The following SLC9B1 variants were observed in gnomAD, a reference collection of about 807,000 sequenced individuals.
SLC9B1 encodes solute carrier family 9 member B1, also known as sodium/hydrogen exchanger 9B1.
In SLC9B1, 32 loss-of-function variants were observed where a neutral mutation model predicts 51.7. The observed-to-expected ratio is 0.62, with a 90% CI of 0.47 to 0.83. The LOEUF (loss-of-function observed/expected upper bound fraction) is 0.83. SLC9B1 is among the 40% of genes least tolerant of loss of function. SLC9B1 has a pLI of 0.00. For missense variants in SLC9B1, 406 were observed against 613.2 expected, an observed-to-expected ratio of 0.66 and a Z score of 3.57; for synonymous variants, 145 against 212.7, an observed-to-expected ratio of 0.68 and a Z score of 2.77.
At chr4:102,970,505 T>C (rs1379570478) in intron 3 of SLC9B1, among the ~76,000 whole-genome samples, 1 of 151,440 alleles carries the variant, frequency 6.6e-6, no homozygotes, top group Non-Finnish European at 1.5e-5. Context: ...ACATGGAAAG[T>C]AATAACCAGT....
chr4:102,913,497 G>A (rs1305468655), intron 7 of SLC9B1, among the ~76,000 whole-genome samples: 1 of 152,138 alleles, frequency 6.6e-6, no homozygotes, highest in Non-Finnish European at 1.5e-5. Flanking sequence ...GAAGCCAGCT[G>A]ATAAAAACTG....
At chr4:102,974,864 G>A (rs1386925916) in intron 3 of SLC9B1, among the ~76,000 whole-genome samples, 1 of 151,710 alleles carries the variant, frequency 6.6e-6, no homozygotes, top group Non-Finnish European at 1.5e-5. Flanking sequence ...AAAATTGGAG[G>A]CCAAACTAAG....
intron 1 of SLC9B1, among the ~76,000 whole-genome samples, chr4:102,996,952 A>AT (rs35142141): frequency 0.54 from 79,805 of 147,834 alleles, 21,651 homozygotes; most frequent in African/African-American, 0.67. Flanking sequence ...ATGTCCAGCA[A>AT]TTTTTTTTTT....
intron 11 of SLC9B1, among the ~76,000 whole-genome samples, chr4:102,901,676 G>A (rs6824070): frequency 0.58 from 87,547 of 151,872 alleles, 26,515 homozygotes; most frequent in African/African-American, 0.78. Context: ...TGCCTTTACC[G>A]TGTGCAAGTG....
intron 7 of SLC9B1, among the ~76,000 whole-genome samples, chr4:102,919,407 GA>G (rs1735747931): frequency 6.6e-6 from 1 of 152,152 alleles, no homozygotes; most frequent in South Asian, 2.1e-4. Flanking sequence ...CTGCTGCTTA[GA>G]AATTTCTTCT....
At chr4:102,957,455 CA>C (rs1217253663) in intron 3 of SLC9B1, among the ~76,000 whole-genome samples, 1 of 151,656 alleles carries the variant, frequency 6.6e-6, no homozygotes, top group Non-Finnish European at 1.5e-5. Context: ...TACAGGGGAA[CA>C]ATAATATGAT....
intron 8 of SLC9B1, among the ~76,000 whole-genome samples, chr4:102,910,945 A>G (rs1735309782): frequency 6.6e-6 from 1 of 152,256 alleles, no homozygotes; most frequent in South Asian, 2.1e-4. Flanking sequence ...AATATGTTAC[A>G]GCTAAATTTG....
At chr4:103,001,241 C>T (rs1740509565) in intron 1 of SLC9B1, among the ~76,000 whole-genome samples, 1 of 152,232 alleles carries the variant, frequency 6.6e-6, no homozygotes, top group African/African-American at 2.4e-5. Flanking sequence ...ACCACTTTCT[C>T]CTCCTAGGCT....
chr4:102,994,898 A>G (rs1740136425), intron 1 of SLC9B1, among the ~76,000 whole-genome samples: 1 of 152,106 alleles, frequency 6.6e-6, no homozygotes, highest in Non-Finnish European at 1.5e-5. Flanking sequence ...TCATTGTTCC[A>G]CCCCTGACAC....
At chr4:102,885,765 C>G (rs892570153) in intron 11 of SLC9B1, among the ~76,000 whole-genome samples, 1 of 152,138 alleles carries the variant, frequency 6.6e-6, no homozygotes, top group African/African-American at 2.4e-5. Flanking sequence ...GTCAAATATA[C>G]TTGTCACAGT....
chr4:102,899,633 C>G (rs1304340375), downstream of SLC9B1, among the ~76,000 whole-genome samples: 2 of 151,900 alleles, frequency 1.3e-5, no homozygotes, highest in Admixed American at 6.6e-5. Flanking sequence ...AGGTTGGTCT[C>G]GAACTCCTGA....
intron 6 of SLC9B1, among the ~76,000 whole-genome samples, 190 bp downstream of exon 6, chr4:102,945,003 G>T (rs1737198235): frequency 6.6e-6 from 1 of 152,130 alleles, no homozygotes; most frequent in Non-Finnish European, 1.5e-5. Context: ...TAGGGGCTAT[G>T]AATGTTTGTT....
chr4:102,919,315 T>A (rs757512537), intron 7 of SLC9B1, among the ~76,000 whole-genome samples: 1 of 152,210 alleles, frequency 6.6e-6, no homozygotes, highest in Non-Finnish European at 1.5e-5. Context: ...CTTTTAAACA[T>A]AAGTTCCAAT....
chr4:102,983,771 T>C (rs1739477170), intron 3 of SLC9B1, among the ~76,000 whole-genome samples: 1 of 152,172 alleles, frequency 6.6e-6, no homozygotes, highest in African/African-American at 2.4e-5. Flanking sequence ...TCTTCTCTCA[T>C]ATTTTTCTTA....
rs563404503 is a variant in SLC9B1, at chr4:102,955,638, T to G, written c.212-6211A>C. Among the ~76,000 whole-genome samples, 20 of 151,980 alleles carry G rather than the reference T, an allele frequency of 1.3e-4. No homozygotes were observed. The South Asian group carries it at 2.1e-3, about 16-fold the overall frequency. ...AGCTTTGCTAGTCTGAGGTTGCAGT[T>G]TCAATTGGGGAAGTGGAAGACAAGA... is the stretch of plus-strand genomic sequence containing the variant. On this transcript the variant is annotated intron_variant, in intron 3 of 11. Transcript: ENST00000296422.
At chr4:102,935,086 A>C (rs1459398767) in intron 6 of SLC9B1, among the ~76,000 whole-genome samples, 5 of 152,156 alleles carry the variant, frequency 3.3e-5, no homozygotes, top group African/African-American at 1.2e-4. Context: ...AAAATTAAAT[A>C]TCTAGTGATA....
At chr4:102,934,377 T>C (rs924106215) in intron 6 of SLC9B1, among the ~76,000 whole-genome samples, 13 of 152,156 alleles carry the variant, frequency 8.5e-5, no homozygotes, top group African/African-American at 2.4e-4. Flanking sequence ...ATTGGTATTT[T>C]AAATCAGTGG....
intron 1 of SLC9B1, among the ~76,000 whole-genome samples, chr4:103,010,012 T>C (rs139089426): frequency 2.4e-4 from 36 of 152,334 alleles, no homozygotes; most frequent in African/African-American, 7.5e-4. Context: ...AAATTGACTG[T>C]CATTGTTAAA....
At chr4:102,999,225 T>C (rs547160055) in intron 1 of SLC9B1, among the ~76,000 whole-genome samples, 7 of 152,340 alleles carry the variant, frequency 4.6e-5, no homozygotes, top group Non-Finnish European at 1.0e-4. Context: ...ATTAGTAATA[T>C]GCAAGTATTT....
Sources: allele counts gnomAD v4.1 joint callset (sites outside exome capture counted in the v4.1 genomes callset), GRCh38; gene constraint gnomAD v4.1.1; transcripts MANE v1.5; gene names NCBI Gene and HGNC (gene_info 2026-07-23, HGNC 2026-07-21).